Variants in FARS2 observed in about 807,000 individuals in gnomAD.
The protein encoded by FARS2 is phenylalanyl-tRNA synthetase 2, mitochondrial, also known as phenylalanine--tRNA ligase, mitochondrial.
Under a neutral mutation model 46.4 loss-of-function variants are expected in FARS2, and 40 were observed. That is an observed-to-expected ratio of 0.86 (90% confidence interval 0.67 to 1.12). The LOEUF is 1.12. Among genes scored for constraint, FARS2 ranks in the 50% most tolerant of loss-of-function variants. The pLI is 0.00. For missense variants in FARS2, 513 were observed against 567.9 expected (o/e 0.90, Z 0.98); for synonymous variants, 234 against 214.9 (o/e 1.09, Z -0.78).
intron 5 of FARS2, among the ~76,000 whole-genome samples, chr6:5,558,826 G>A (rs7756326): frequency 0.22 from 34,134 of 151,796 alleles, 4,748 homozygotes; most frequent in Admixed American, 0.34. Flanking sequence ...ATTTTTTAAC[G>A]CTCACTGTAA....
intron 6 of FARS2, among the ~76,000 whole-genome samples, chr6:5,721,055 A>G (rs1288818442): frequency 4.6e-5 from 7 of 152,198 alleles, no homozygotes; most frequent in Non-Finnish European, 8.8e-5. Flanking sequence ...CTGTCTCTTT[A>G]AAAAGAAATA....
chr6:5,754,452 C>T (rs2025305), intron 6 of FARS2, among the ~76,000 whole-genome samples: 2,126 of 152,336 alleles, frequency 0.014, 30 homozygotes, highest in Non-Finnish European at 0.022. Context: ...TCTGAAACCA[C>T]GGCTTTAAAA....
intron 4 of FARS2, among the ~76,000 whole-genome samples, chr6:5,454,997 T>C (rs1231546257): frequency 2.0e-5 from 3 of 152,194 alleles, no homozygotes; most frequent in Non-Finnish European, 2.9e-5. Flanking sequence ...TCATTGATTC[T>C]AGCTTCCCCT....
rs151112314 is a variant in FARS2 at position 5,267,744 on chromosome 6, A to C, written c.-22+6084A>C. 3.0e-3 allele frequency among the ~76,000 whole-genome samples: 398 copies of C among 132,236 alleles called. 1 individual carries two copies. The highest frequency in any genetic ancestry group is 0.011 in the African/African-American group (312 of 28,836). 86.8% of individuals were successfully genotyped at this position (132,236 alleles called of 152,430 possible). ...ACTCCAGCTTGGGAGACACAGCGAG[A>C]CTGTCTCAAAAAAAAAAAAAAAAAA... is the stretch of plus-strand genomic sequence containing the variant. On this transcript the variant is annotated intron_variant, in intron 1 of 6. Transcript: ENST00000274680.
chr6:5,439,849 C>T (rs1194867754), intron 4 of FARS2, among the ~76,000 whole-genome samples: 8 of 152,176 alleles, frequency 5.3e-5, no homozygotes, highest in Non-Finnish European at 7.3e-5. Flanking sequence ...CTTCCTTCTC[C>T]GTTCCTTTCT....
At chr6:5,521,667 C>A (rs1769145928) in intron 4 of FARS2, among the ~76,000 whole-genome samples, 1 of 152,184 alleles carries the variant, frequency 6.6e-6, no homozygotes, top group Non-Finnish European at 1.5e-5. Flanking sequence ...TGGATACAGG[C>A]AAGACTGTAT....
intron 1 of FARS2, among the ~76,000 whole-genome samples, chr6:5,315,738 T>TTTCTTTCTTTCTTTCTTTCTTTCTTCC: frequency 8.0e-6 from 1 of 125,154 alleles, no homozygotes; most frequent in African/African-American, 3.2e-5. Context: ...TTCTTTCTTT[T>TTTCTTTCTTTCTTTCTTTCTTTCTTCC]TTCCTTTCTT....
intron 2 of FARS2, among the ~76,000 whole-genome samples, chr6:5,381,849 G>A (rs1415733063): frequency 6.6e-6 from 1 of 152,226 alleles, no homozygotes; most frequent in Non-Finnish European, 1.5e-5. Context: ...ACAGGAGGCT[G>A]GGTTGGATGT....
intron 1 of FARS2, among the ~76,000 whole-genome samples, chr6:5,339,601 A>G (rs1221853503): frequency 1.3e-5 from 2 of 151,918 alleles, no homozygotes; most frequent in African/African-American, 2.4e-5. Flanking sequence ...TACTTTTTAT[A>G]TATTTATATT....
chr6:5,433,907 A>G (rs1763372105), intron 4 of FARS2, among the ~76,000 whole-genome samples: 1 of 152,164 alleles, frequency 6.6e-6, no homozygotes, highest in Admixed American at 6.6e-5. Context: ...TTGGCTGAAT[A>G]TTGTTATCTG....
chr6:5,420,669 G>T (rs567890744), intron 3 of FARS2, among the ~76,000 whole-genome samples: 217 of 152,240 alleles, frequency 1.4e-3, no homozygotes, highest in Middle Eastern at 6.8e-3. Context: ...CCATGGTTTT[G>T]GGCAGCTCTG....
At chr6:5,457,383 C>CT (rs1345739131) in intron 4 of FARS2, among the ~76,000 whole-genome samples, 1 of 152,200 alleles carries the variant, frequency 6.6e-6, no homozygotes, top group Non-Finnish European at 1.5e-5. Context: ...TCAGTCCCTG[C>CT]TGCACCATCC....
intron 5 of FARS2, among the ~76,000 whole-genome samples, chr6:5,559,224 G>C (rs1771850154): frequency 6.6e-6 from 1 of 152,136 alleles, no homozygotes; most frequent in African/African-American, 2.4e-5. Flanking sequence ...GCAACATAGA[G>C]AGACCCCGTC....
At chr6:5,623,969 A>G (rs1190706412) in intron 6 of FARS2, among the ~76,000 whole-genome samples, 3 of 152,228 alleles carry the variant, frequency 2.0e-5, no homozygotes, top group East Asian at 1.9e-4. Flanking sequence ...TGAGAGAGCC[A>G]TGGGTACAGG....
chr6:5,704,897 G>A (rs1320770897), intron 6 of FARS2, among the ~76,000 whole-genome samples: 1 of 152,224 alleles, frequency 6.6e-6, no homozygotes, highest in Non-Finnish European at 1.5e-5. Flanking sequence ...TGTAAATGCA[G>A]ATGATAATAG....
At chr6:5,475,845 C>T (rs1456275798) in intron 4 of FARS2, among the ~76,000 whole-genome samples, 1 of 152,152 alleles carries the variant, frequency 6.6e-6, no homozygotes, top group Admixed American at 6.5e-5. Flanking sequence ...GTGTCCCAGT[C>T]TCAAGTGGCT....
At chr6:5,344,025 G>C (rs115368256) in intron 1 of FARS2, among the ~76,000 whole-genome samples, 1 of 152,112 alleles carries the variant, frequency 6.6e-6, no homozygotes. Flanking sequence ...GCTTCTCTTC[G>C]GAGGCTTGTT....
At chr6:5,558,914 G>A (rs1771826802) in intron 5 of FARS2, among the ~76,000 whole-genome samples, 1 of 152,010 alleles carries the variant, frequency 6.6e-6, no homozygotes, top group African/African-American at 2.4e-5. Flanking sequence ...GAGTCCATAT[G>A]GCAGAGTTTG....
intron 4 of FARS2, among the ~76,000 whole-genome samples, chr6:5,544,627 G>A (rs1362145246): frequency 6.6e-6 from 1 of 152,152 alleles, no homozygotes; most frequent in Non-Finnish European, 1.5e-5. Context: ...GGGCCTGCTT[G>A]TGTTCTCTGC....
Sources: allele counts gnomAD v4.1 joint callset (sites outside exome capture counted in the v4.1 genomes callset), GRCh38; gene constraint gnomAD v4.1.1; transcripts MANE v1.5; gene names NCBI Gene and HGNC (gene_info 2026-07-23, HGNC 2026-07-21).